Variants in ASXL1 observed in about 807,000 individuals in gnomAD.
The protein encoded by ASXL1 is ASXL transcriptional regulator 1, also known as polycomb group protein ASXL1.
A neutral mutation model predicts 89.1 loss-of-function variants in ASXL1; 65 were observed. The ratio of observed to expected loss-of-function variants is 0.73; its 90% CI spans 0.60 to 0.90. The LOEUF is 0.90. Among genes scored for constraint, ASXL1 ranks in the 40% least tolerant of loss-of-function variants. The pLI is 0.00. For missense variants in ASXL1, 1,786 were observed against 1,942.9 expected, an observed-to-expected ratio of 0.92 and a Z score of 1.52; for synonymous variants, 739 against 746.9, an observed-to-expected ratio of 0.99 and a Z score of 0.17.
chr20:32,432,386 G>A (rs535517575), intron 10 of ASXL1: 46 of 188,074 alleles, frequency 2.4e-4, no homozygotes, highest in African/African-American at 1.1e-3. Context: ...ATCAAGGGCT[G>A]ATCATGTAGG....
intron 2 of ASXL1, among the ~76,000 whole-genome samples, chr20:32,366,837 G>GTCT (rs2048212302): frequency 6.6e-6 from 1 of 152,090 alleles, no homozygotes; most frequent in African/African-American, 2.4e-5. Flanking sequence ...TATCACTGAA[G>GTCT]TTCTTTCTTT....
At chr20:32,359,277 A>G in intron 1 of ASXL1, 1 of 702,394 alleles carries the variant, frequency 1.4e-6, no homozygotes, top group Non-Finnish European at 2.6e-6. Flanking sequence ...GGGGGTGGAA[A>G]AGCGACCCCA....
At chr20:32,377,101 A>C (rs1389718282) in intron 4 of ASXL1, among the ~76,000 whole-genome samples, 1 of 123,798 alleles carries the variant, frequency 8.1e-6, no homozygotes, top group East Asian at 2.6e-4. Context: ...TCTATATTAT[A>C]TATAATATAT....
chr20:32,402,529 C>T (rs561361223), intron 4 of ASXL1, among the ~76,000 whole-genome samples: 42 of 152,328 alleles, frequency 2.8e-4, no homozygotes, highest in East Asian at 5.8e-4. Context: ...CTGTAAGAAA[C>T]GACTACACTG....
intron 4 of ASXL1, among the ~76,000 whole-genome samples, chr20:32,388,202 T>A (rs1209916136): frequency 1.3e-5 from 2 of 152,080 alleles, no homozygotes; most frequent in Admixed American, 1.3e-4. Context: ...TGAGACAGAG[T>A]CTTGCTCTGT....
At chr20:32,371,802 A>G in intron 4 of ASXL1, 1 of 449,132 alleles carries the variant, frequency 2.2e-6, no homozygotes, top group Non-Finnish European at 4.5e-6. Flanking sequence ...TATGTTGGTT[A>G]AACTGGTCTC....
intron 4 of ASXL1, among the ~76,000 whole-genome samples, chr20:32,401,730 A>G (rs2048878106): frequency 6.6e-6 from 1 of 151,726 alleles, no homozygotes; most frequent in East Asian, 1.9e-4. Flanking sequence ...AATTTTTTGT[A>G]TTTTTAGTTG....
chr20:32,432,105 A>G lies in ASXL1; in HGVS notation c.979+426A>G, dbSNP rs563212029. Among the ~76,000 whole-genome samples the G allele has an allele frequency of 8.9e-4, 135 of 152,250 alleles. 2 individuals are homozygous for G. The South Asian group carries it at 0.016, about 19-fold the overall frequency. Reference sequence around the variant, plus strand: ...GGAAAGTGTTGAGAGGGCTCTAAGAACACCCCTAGGTTTGATGATTTGCTA... The same window carrying G: ...GGAAAGTGTTGAGAGGGCTCTAAGAGCACCCCTAGGTTTGATGATTTGCTA... On this transcript the variant is annotated intron_variant, in intron 10 of 12. Coordinates refer to ENST00000375687, the MANE Select transcript of ASXL1 (RefSeq NM_015338.6).
At chr20:32,379,360 TTTATTATTA>T (rs761874161) in intron 4 of ASXL1, among the ~76,000 whole-genome samples, 1 of 63,922 alleles carries the variant, frequency 1.6e-5, no homozygotes, top group Non-Finnish European at 4.0e-5. Context: ...AATTTATTTA[TTTATTATTA>T]TTATTATTAT....
chr20:32,412,322 T>C (rs1386163529), intron 4 of ASXL1, among the ~76,000 whole-genome samples: 1 of 152,238 alleles, frequency 6.6e-6, no homozygotes, highest in African/African-American at 2.4e-5. Flanking sequence ...TTAGTAGTTT[T>C]ATAATTGTTA....
chr20:32,418,414 A>G (rs1299604464), intron 4 of ASXL1, among the ~76,000 whole-genome samples: 1 of 152,208 alleles, frequency 6.6e-6, no homozygotes, highest in Non-Finnish European at 1.5e-5. Flanking sequence ...ACTATCAGTT[A>G]AATTTTGTAA....
intron 4 of ASXL1, 22 bp downstream of exon 4, chr20:32,369,145 T>G (rs1431015883): frequency 6.4e-6 from 10 of 1,573,570 alleles, no homozygotes; most frequent in Admixed American, 1.7e-5. Flanking sequence ...GAACTCTCTT[T>G]TGGTGCAGTG....
At chr20:32,400,057 C>T (rs56966140) in intron 4 of ASXL1, among the ~76,000 whole-genome samples, 3,236 of 151,210 alleles carry the variant, frequency 0.021, 115 homozygotes, top group African/African-American at 0.075. Flanking sequence ...CCACCATGCC[C>T]GGCCATATTT....
intron 4 of ASXL1, among the ~76,000 whole-genome samples, chr20:32,393,565 G>C (rs950879472): frequency 6.6e-6 from 1 of 151,998 alleles, no homozygotes; most frequent in Non-Finnish European, 1.5e-5. Context: ...TCCGTTTCCC[G>C]GGTTCAAGTC....
At position 32,435,345 on chromosome 20, in the gene ASXL1, G is replaced by T; in HGVS notation, c.2633G>T (p.Ser878Ile). 6.2e-7 allele frequency: 1 copy of T among 1,614,190 alleles called. No individual in the cohort carries two copies. Among genetic ancestry groups the T allele is most frequent in the African/African-American group, 1.3e-5 (1 of 75,046 alleles). ...GGCTCATGCCCTCCTATGAGGGAAA[G>T]TGATACTAGACAAGAAAACTTGAAA... ...LGGSCPPMRE[S>I]DTRQENLKTK... Residue 878 changes from serine to isoleucine, a missense_variant, in exon 13 of 13, where the codon AGT becomes ATT. Physicochemically the swap from Ser to Ile is moderately radical, Grantham distance 142. This residue lies in a region of ASXL1 where 1,418 missense variants were observed against 1,427.8 expected (regional missense o/e 0.99). Transcript: ENST00000375687.
At chr20:32,388,497 A>G (rs1395018816) in intron 4 of ASXL1, among the ~76,000 whole-genome samples, 2 of 152,168 alleles carry the variant, frequency 1.3e-5, no homozygotes, top group African/African-American at 4.8e-5. Flanking sequence ...TCCTTTGGGT[A>G]AAGAGATGTA....
rs1327084977 is a variant in ASXL1, at chr20:32,433,631, G to T, written c.1433G>T (p.Gly478Val). ...TCCTCTGCAGCACCCGACCTGGAGGGTCCCGAATTCCCAGTTGAGTCTGTG... is the reference window on the plus strand; with the variant it reads ...TCCTCTGCAGCACCCGACCTGGAGGTTCCCGAATTCCCAGTTGAGTCTGTG... Reference protein sequence around the residue: ...GTSSAAPDLEGPEFPVESVAS... With the variant: ...GTSSAAPDLEVPEFPVESVAS... The change falls in exon 12 of 13, where the codon GGT becomes GTT. Residue 478 changes from glycine to valine, a missense_variant. Coordinates refer to ENST00000375687, the MANE Select transcript of ASXL1 (RefSeq NM_015338.6). 1 of 1,612,932 alleles carries T rather than the reference G, an allele frequency of 6.2e-7. No homozygotes were observed. The highest frequency in any genetic ancestry group is 8.5e-7 in the Non-Finnish European group (1 of 1,179,014).
At chr20:32,367,843 G>A (rs1286011691) in intron 3 of ASXL1, 114 bp downstream of exon 3, 6 of 754,322 alleles carry the variant, frequency 8.0e-6, no homozygotes, top group Non-Finnish European at 1.5e-5. Flanking sequence ...GAGCAGCTCT[G>A]TAATTTGTAG....
Position 32,384,198 on chromosome 20 carries a change from GTTTTTTTTTTTT to G in ASXL1, c.252+15090_252+15101del, listed in dbSNP as rs71187115. Among the ~76,000 whole-genome samples the G allele has an allele frequency of 3.9e-4, 30 of 77,298 alleles. No homozygotes were observed. In the South Asian group the frequency reaches 0.013, roughly 33 times the overall value. 50.7% of individuals were successfully genotyped at this position (77,298 alleles called of 152,430 possible). Reference sequence around the variant, plus strand: ...CTTTGGTCAATTGTAGCAGCAGTCTGTTTTTTTTTTTTTTTTTTTTTTTTTTGAGACAGAGTC... The same window carrying G: ...CTTTGGTCAATTGTAGCAGCAGTCTGTTTTTTTTTTTTTTGAGACAGAGTC... On this transcript the variant is annotated intron_variant, in intron 4 of 12. Coordinates refer to ENST00000375687, the MANE Select transcript of ASXL1 (RefSeq NM_015338.6).
Sources: gnomAD v4.1 joint callset for allele counts (sites outside exome capture counted in the v4.1 genomes callset) on GRCh38, gnomAD v4.1.1 for gene constraint, gnomAD v4.1.1 regional missense constraint, MANE v1.5 for transcripts, NCBI Gene and HGNC (gene_info 2026-07-23, HGNC 2026-07-21) for gene names.